Variants in RALGPS1 observed in about 807,000 individuals in gnomAD.
The protein encoded by RALGPS1 is Ral GEF with PH domain and SH3 binding motif 1.
Under a neutral mutation model 78.8 loss-of-function variants are expected in RALGPS1, and 19 were observed. The observed-to-expected ratio is 0.24, with a 90% CI of 0.17 to 0.35. The LOEUF is 0.35. Among genes scored for constraint, RALGPS1 ranks in the 10% least tolerant of loss-of-function variants. RALGPS1 has a pLI of 1.00. For missense variants in RALGPS1, 454 were observed against 688.3 expected (o/e 0.66, Z 3.81); for synonymous variants, 228 against 256.3 (o/e 0.89, Z 1.06).
intron 8 of RALGPS1, among the ~76,000 whole-genome samples, chr9:127,152,610 A>G (rs1370906654): frequency 6.6e-6 from 1 of 152,192 alleles, no homozygotes; most frequent in East Asian, 1.9e-4. Context: ...TTCAAGAGAA[A>G]AGGTGTAAAT....
At chr9:127,019,785 T>A (rs149084840) in intron 4 of RALGPS1, among the ~76,000 whole-genome samples, 2 of 152,272 alleles carry the variant, frequency 1.3e-5, no homozygotes, top group East Asian at 3.9e-4. Flanking sequence ...GGCGTGCAGG[T>A]TTGTTATACA....
intron 2 of RALGPS1, among the ~76,000 whole-genome samples, chr9:126,965,143 A>G (rs2039348562): frequency 6.6e-6 from 1 of 152,234 alleles, no homozygotes; most frequent in African/African-American, 2.4e-5. Context: ...ACTCTTTCAT[A>G]TACATGCAGG....
At chr9:127,129,470 G>A (rs1281154) in intron 8 of RALGPS1, among the ~76,000 whole-genome samples, 12,370 of 152,220 alleles carry the variant, frequency 0.081, 890 homozygotes, top group African/African-American at 0.19. Context: ...CCTTACACAG[G>A]TACCTGCTGA....
chr9:126,918,290 G>A (rs990911630), intron 1 of RALGPS1, among the ~76,000 whole-genome samples: 2 of 152,194 alleles, frequency 1.3e-5, no homozygotes, highest in Non-Finnish European at 2.9e-5. Context: ...TCGTACGTAT[G>A]TAAGCATTTG....
intron 14 of RALGPS1, among the ~76,000 whole-genome samples, chr9:127,208,102 C>T (rs1270088006): frequency 3.3e-5 from 5 of 152,146 alleles, no homozygotes; most frequent in Non-Finnish European, 7.4e-5. Flanking sequence ...GTAGTTGGCA[C>T]GTGGCGTGCA....
At chr9:127,175,106 C>G (rs1206566076) in intron 11 of RALGPS1, among the ~76,000 whole-genome samples, 1 of 152,242 alleles carries the variant, frequency 6.6e-6, no homozygotes, top group Non-Finnish European at 1.5e-5. Context: ...TCCAGGCTCT[C>G]CAGACCCTTA....
chr9:127,204,410 A>G (rs2812288), intron 14 of RALGPS1, among the ~76,000 whole-genome samples: 123,328 of 152,128 alleles, frequency 0.81, 50,504 homozygotes, highest in African/African-American at 0.9. Flanking sequence ...AGGAGCCACT[A>G]TGTCCAGCCT....
At chr9:126,998,789 C>G (rs1222891774) in intron 4 of RALGPS1, among the ~76,000 whole-genome samples, 2 of 151,750 alleles carry the variant, frequency 1.3e-5, no homozygotes, top group South Asian at 2.1e-4. Flanking sequence ...CAACGATAGA[C>G]TGGATTAAGA....
chr9:127,210,904 G>T (rs753231642), intron 14 of RALGPS1: 99 of 789,704 alleles, frequency 1.3e-4, no homozygotes, highest in Middle Eastern at 6.0e-4. Flanking sequence ...TGAGTCTACT[G>T]CCAGGTGCAC....
intron 8 of RALGPS1, among the ~76,000 whole-genome samples, chr9:127,104,996 A>G (rs2054081406): frequency 6.6e-6 from 1 of 152,130 alleles, no homozygotes; most frequent in Admixed American, 6.5e-5. Flanking sequence ...TTCCGTGCAG[A>G]GAGACCATCT....
At chr9:127,047,404 A>AG (rs1019144600) in intron 5 of RALGPS1, among the ~76,000 whole-genome samples, 1 of 152,218 alleles carries the variant, frequency 6.6e-6, no homozygotes, top group African/African-American at 2.4e-5. Flanking sequence ...TTCTATATAG[A>AG]GAAAAAAAAG....
At chr9:126,941,172 G>A (rs2036754323) in intron 1 of RALGPS1, among the ~76,000 whole-genome samples, 1 of 151,934 alleles carries the variant, frequency 6.6e-6, no homozygotes, top group South Asian at 2.1e-4. Flanking sequence ...GTTGTGGGGG[G>A]GGGTTGTTGG....
At chr9:127,190,315 T>G (rs2060954483) in intron 11 of RALGPS1, among the ~76,000 whole-genome samples, 1 of 152,222 alleles carries the variant, frequency 6.6e-6, no homozygotes, top group African/African-American at 2.4e-5. Context: ...ACATAAGTTT[T>G]GGGTTTTGTT....
intron 1 of RALGPS1, among the ~76,000 whole-genome samples, chr9:126,948,643 C>T (rs1219228712): frequency 6.6e-6 from 1 of 152,130 alleles, no homozygotes. Flanking sequence ...CTTCTGCCTC[C>T]TCAGCTTCAG....
At chr9:127,040,393 C>T (rs547922247) in intron 5 of RALGPS1, among the ~76,000 whole-genome samples, 14 of 152,092 alleles carry the variant, frequency 9.2e-5, no homozygotes, top group East Asian at 3.9e-4. Context: ...CAGAGTGAAA[C>T]GCTGTCTCAG....
chr9:127,111,076 G>C (rs992678063), intron 8 of RALGPS1, among the ~76,000 whole-genome samples: 58 of 151,998 alleles, frequency 3.8e-4, no homozygotes, highest in African/African-American at 1.4e-3. Flanking sequence ...TTCCTCCCTG[G>C]TCTCATCTCT....
intron 11 of RALGPS1, chr9:127,178,431 G>A (rs2060012157): frequency 2.8e-6 from 3 of 1,052,692 alleles, no homozygotes; most frequent in Non-Finnish European, 2.3e-6. Context: ...CCTTCACAGG[G>A]TAGTGTTGTT....
At position 127,221,473 on chromosome 9, in the gene RALGPS1, A is replaced by G. The variant is rs1430490665; in HGVS notation, c.*2704A>G. Reference sequence around the variant, plus strand: ...AACATTGTTGTCTCAAGAACAACTCACCTCTCTCCCTAGGACTAATTTTTG... The same window carrying G: ...AACATTGTTGTCTCAAGAACAACTCGCCTCTCTCCCTAGGACTAATTTTTG... On this transcript the variant is annotated 3_prime_UTR_variant, in exon 19 of 19. Transcript: ENST00000259351. 2.6e-5 allele frequency: 4 copies of G among 152,160 alleles called. No homozygotes were observed. The highest frequency in any genetic ancestry group is 5.9e-5 in the Non-Finnish European group (4 of 68,026). 9.4% of individuals were successfully genotyped at this position (152,160 alleles called of 1,614,324 possible). A position where few individuals can be genotyped will look rare whatever the true frequency, so the allele number is the denominator to read the frequency against.
intron 1 of RALGPS1, among the ~76,000 whole-genome samples, chr9:126,930,018 G>C (rs578169519): frequency 1.8e-4 from 27 of 152,238 alleles, no homozygotes; most frequent in Non-Finnish European, 3.1e-4. Context: ...TTTGTTTAGA[G>C]ATGGGGTCTT....
Sources: gnomAD v4.1 joint callset for allele counts (sites outside exome capture counted in the v4.1 genomes callset) on GRCh38, gnomAD v4.1.1 for gene constraint, MANE v1.5 for transcripts, NCBI Gene and HGNC (gene_info 2026-07-23, HGNC 2026-07-21) for gene names.